Variants in LARGE1 observed in about 807,000 individuals in gnomAD.
LARGE1 encodes xylosyl- and glucuronyltransferase LARGE1.
Under a neutral mutation model 87.6 loss-of-function variants are expected in LARGE1, and 43 were observed. That is an observed-to-expected ratio of 0.49 (90% CI 0.38 to 0.63). LARGE1 has a LOEUF of 0.63. Ranked by LOEUF, LARGE1 falls within the 30% of genes least tolerant of loss-of-function variation. The pLI, the probability that LARGE1 is intolerant of heterozygous loss-of-function variation, is 0.00. For synonymous variants in LARGE1, 434 were observed against 394.6 expected (o/e 1.10, Z -1.18); for missense variants, 802 against 1,000.2 (o/e 0.80, Z 2.67).
chr22:33,425,252 A>C (rs1367787618), intron 7 of LARGE1, among the ~76,000 whole-genome samples: 1 of 152,140 alleles, frequency 6.6e-6, no homozygotes, highest in Non-Finnish European at 1.5e-5. Flanking sequence ...ACAGAGCAAG[A>C]CTCTGTCTCA....
intron 11 of LARGE1, among the ~76,000 whole-genome samples, chr22:33,190,406 A>G (rs1447299193): frequency 3.9e-5 from 6 of 152,152 alleles, no homozygotes; most frequent in Admixed American, 2.0e-4. Context: ...TGCAGCTGCA[A>G]TACCACTCCA....
chr22:33,394,450 G>T (rs913571593), intron 7 of LARGE1, among the ~76,000 whole-genome samples: 1 of 151,950 alleles, frequency 6.6e-6, no homozygotes, highest in Non-Finnish European at 1.5e-5. Flanking sequence ...CGCATGCCTC[G>T]GCCTCCCGAA....
chr22:33,543,871 C>T (rs1464303147), intron 6 of LARGE1, among the ~76,000 whole-genome samples: 3 of 152,212 alleles, frequency 2.0e-5, no homozygotes, highest in South Asian at 4.1e-4. Context: ...CCTTGGCTGG[C>T]ATCTGAGAAC....
At chr22:33,607,584 A>T (rs1254992511) in intron 4 of LARGE1, among the ~76,000 whole-genome samples, 1 of 152,116 alleles carries the variant, frequency 6.6e-6, no homozygotes, top group Admixed American at 6.5e-5. Flanking sequence ...GCAGAAGGCA[A>T]CACTGGGGTT....
intron 10 of LARGE1, among the ~76,000 whole-genome samples, chr22:33,334,409 CAAAAAA>C (rs529074589): frequency 2.6e-5 from 1 of 39,046 alleles, no homozygotes; most frequent in Admixed American, 2.4e-4. Flanking sequence ...GACTCTGTCT[CAAAAAA>C]AAAAAAACAA....
At chr22:33,497,066 CTTTTCTTTTTTTTTTTT>C (rs1286125720) in intron 6 of LARGE1, among the ~76,000 whole-genome samples, 1 of 134,586 alleles carries the variant, frequency 7.4e-6, no homozygotes, top group East Asian at 2.1e-4. Context: ...ATTTTCTTTT[CTTTTCTTTTTTTTTTTT>C]TTTTCTTGGA....
chr22:33,863,393 TGG>T (rs2063990139), intron 1 of LARGE1, among the ~76,000 whole-genome samples: 1 of 152,130 alleles, frequency 6.6e-6, no homozygotes, highest in Non-Finnish European at 1.5e-5. Flanking sequence ...GGCCAGGGGA[TGG>T]CTGACAATGC....
At chr22:33,831,359 A>AC (rs890374619) in intron 1 of LARGE1, among the ~76,000 whole-genome samples, 13 of 151,674 alleles carry the variant, frequency 8.6e-5, no homozygotes, top group South Asian at 8.4e-4. Context: ...GCATACATGC[A>AC]CCCCCCCTCT....
the LARGE1 span, among the ~76,000 whole-genome samples, chr22:33,085,165 G>T: frequency 6.6e-6 from 1 of 152,240 alleles, no homozygotes; most frequent in East Asian, 1.9e-4. Flanking sequence ...AGTCCCAGCT[G>T]CTCGGGAGGC....
In LARGE1 at chr22:33,890,824, T is replaced by A. The variant is rs562192022; in HGVS notation, c.-83+29171A>T. On this transcript the variant is annotated intron_variant, in intron 1 of 14. Coordinates refer to ENST00000397394, the MANE Select transcript of LARGE1 (RefSeq NM_133642.5). Reference sequence around the variant, plus strand: ...CGGGGGGGTGCTGCCTCAGTTTCCCTAAAGCAACAAGCATTAGGCAGGTGG... The same window carrying A: ...CGGGGGGGTGCTGCCTCAGTTTCCCAAAAGCAACAAGCATTAGGCAGGTGG... Among the ~76,000 whole-genome samples, 492 of 151,824 alleles carry A rather than the reference T, an allele frequency of 3.2e-3. 1 individual carries two copies. Among genetic ancestry groups the A allele is most frequent in the African/African-American group, 0.011 (451 of 41,326 alleles).
chr22:33,284,584 T>C (rs1461007337), intron 12 of LARGE1, among the ~76,000 whole-genome samples: 1 of 145,450 alleles, frequency 6.9e-6, no homozygotes, highest in Non-Finnish European at 1.5e-5. Context: ...GGCATGAGGC[T>C]TTTTTTTTTT....
chr22:33,263,333 T>C (rs182421663), intron 11 of LARGE1, among the ~76,000 whole-genome samples: 51 of 152,312 alleles, frequency 3.3e-4, no homozygotes, highest in African/African-American at 1.2e-3. Flanking sequence ...GGGAATACGA[T>C]GGGATATCAC....
chr22:33,234,519 G>GT (rs1056950175), intron 11 of LARGE1, among the ~76,000 whole-genome samples: 8 of 151,002 alleles, frequency 5.3e-5, no homozygotes, highest in East Asian at 1.9e-4. Flanking sequence ...AAAAAAGCAA[G>GT]TTTTTTTTTG....
At position 33,274,422 on chromosome 22, in the gene LARGE1, T is replaced by C; in HGVS notation, c.*5A>G. ...TGTCTCCCCCTAGTGGTGGGCTTCT[T>C]GGTGCTAGCTGTTGTTCTCGGCTGT... On this transcript the variant is annotated 3_prime_UTR_variant, in exon 15 of 15. Transcript: ENST00000397394. 6.2e-7 allele frequency: 1 copy of C among 1,614,078 alleles called. No individual in the cohort carries two copies. Among genetic ancestry groups the C allele is most frequent in the Non-Finnish European group, 8.5e-7 (1 of 1,179,950 alleles).
chr22:33,195,434 T>C (rs1924013542), intron 11 of LARGE1, among the ~76,000 whole-genome samples: 1 of 152,076 alleles, frequency 6.6e-6, no homozygotes, highest in African/African-American at 2.4e-5. Context: ...TTTGGGGTCA[T>C]AAAATAAGTT....
At chr22:33,774,351 T>C (rs970251400) in intron 1 of LARGE1, among the ~76,000 whole-genome samples, 5 of 152,222 alleles carry the variant, frequency 3.3e-5, no homozygotes, top group South Asian at 2.1e-4. Context: ...TAATCTTTTT[T>C]TTTCTTTCTT....
At chr22:33,119,540 A>G in the LARGE1 span, among the ~76,000 whole-genome samples, 1 of 152,090 alleles carries the variant, frequency 6.6e-6, no homozygotes, top group Admixed American at 6.5e-5. Flanking sequence ...TTATGGGCAC[A>G]AAGTCCCCAG....
intron 5 of LARGE1, among the ~76,000 whole-genome samples, chr22:33,576,179 G>C (rs908687068): frequency 6.6e-6 from 1 of 152,200 alleles, no homozygotes; most frequent in East Asian, 1.9e-4. Flanking sequence ...ACTTAGCACA[G>C]TGTCTGACAC....
intron 2 of LARGE1, among the ~76,000 whole-genome samples, chr22:33,723,504 G>C (rs1348251055): frequency 6.6e-6 from 1 of 152,178 alleles, no homozygotes; most frequent in South Asian, 2.1e-4. Context: ...TGAAAAAGGT[G>C]CTTGCTGATT....
Sources: allele counts gnomAD v4.1 joint callset (sites outside exome capture counted in the v4.1 genomes callset), GRCh38; gene constraint gnomAD v4.1.1; transcripts MANE v1.5; gene names NCBI Gene and HGNC (gene_info 2026-07-23, HGNC 2026-07-21).